The following COMMD1 variants were observed in gnomAD, a reference collection of about 807,000 sequenced individuals.
The protein encoded by COMMD1 is copper metabolism domain containing 1, also known as COMM domain-containing protein 1.
COMMD1 carries 10 observed loss-of-function variants against 17.2 expected under a neutral mutation model. That is an observed-to-expected ratio of 0.58 (90% confidence interval 0.36 to 0.99). The LOEUF (loss-of-function observed/expected upper bound fraction) is 0.99. COMMD1 is among the 50% of genes least tolerant of loss of function. COMMD1 has a pLI of 0.01. For missense variants in COMMD1, 270 were observed against 231.8 expected (o/e 1.17, Z -1.07); for synonymous variants, 97 against 91.6 (o/e 1.06, Z -0.34).
chr2:61,913,816 A>AAAAAAAAAAG lies in COMMD1; in HGVS notation c.180+7959_180+7960insAAAAAAAAGA, dbSNP rs756118056. ...ATCTCCAAAAAAAAAAAAAAAAAAA[A>AAAAAAAAAAG]AGAAAAGTGTGTTAACCTCTGTTCC... is the stretch of plus-strand genomic sequence containing the variant. On this transcript the variant is annotated intron_variant, in intron 1 of 2. Transcript: ENST00000311832. Among the ~76,000 whole-genome samples the AAAAAAAAAAG allele has an allele frequency of 1.8e-4, 18 of 100,196 alleles. 6 individuals are homozygous for AAAAAAAAAAG. The highest frequency in any genetic ancestry group is 5.6e-4 in the Admixed American group (4 of 7,090). 65.7% of individuals were successfully genotyped at this position (100,196 alleles called of 152,430 possible). A position where few individuals can be genotyped will look rare whatever the true frequency, so the allele number is the denominator to read the frequency against.
intron 2 of COMMD1, among the ~76,000 whole-genome samples, chr2:62,009,601 CAAA>C (rs548120221): frequency 1.2e-4 from 9 of 72,940 alleles, no homozygotes; most frequent in Admixed American, 3.0e-4. Context: ...GAGACTGTCT[CAAA>C]AAAAAAAAAA....
At chr2:62,007,468 T>TA (rs1468358875) in intron 2 of COMMD1, among the ~76,000 whole-genome samples, 1 of 152,240 alleles carries the variant, frequency 6.6e-6, no homozygotes, top group African/African-American at 2.4e-5. Context: ...ATAAACTAAA[T>TA]ACAATCATGC....
chr2:61,962,053 T>C (rs1158028092), intron 1 of COMMD1, among the ~76,000 whole-genome samples: 1 of 152,240 alleles, frequency 6.6e-6, no homozygotes, highest in Admixed American at 6.5e-5. Context: ...GCTTCTTTAC[T>C]GTTATTTATA....
chr2:61,941,293 G>A (rs972225953), intron 1 of COMMD1, among the ~76,000 whole-genome samples: 1 of 152,186 alleles, frequency 6.6e-6, no homozygotes, highest in African/African-American at 2.4e-5. Flanking sequence ...CTCCCAAAGT[G>A]CTGGGATTAC....
At chr2:62,125,240 G>A (rs1672855925) in intron 2 of COMMD1, among the ~76,000 whole-genome samples, 1 of 152,198 alleles carries the variant, frequency 6.6e-6, no homozygotes. Flanking sequence ...CACCTGGTAG[G>A]TGCTGAGGCA....
chr2:62,104,653 AAC>A lies in COMMD1; in HGVS notation c.463-31176_463-31175del, dbSNP rs1253357089. Among the ~76,000 whole-genome samples, 56 of 150,726 alleles carry A rather than the reference AAC, an allele frequency of 3.7e-4. 1 individual carries two copies. Among genetic ancestry groups the A allele is most frequent in the African/African-American group, 1.1e-3 (46 of 41,112 alleles). ...CGTCTCAAAAAAAAAAAAAAAAAAA[AAC>A]AATAACAACAACAAACACATCCCTT... On this transcript the variant is annotated intron_variant, in intron 2 of 2. Transcript: ENST00000311832.
At chr2:62,086,435 C>G (rs1671670926) in intron 2 of COMMD1, among the ~76,000 whole-genome samples, 1 of 151,258 alleles carries the variant, frequency 6.6e-6, no homozygotes, top group East Asian at 2.0e-4. Flanking sequence ...CGCGTGAACC[C>G]GGGAGGCGGA....
chr2:61,913,059 C>T (rs1669950024), intron 1 of COMMD1, among the ~76,000 whole-genome samples: 1 of 152,080 alleles, frequency 6.6e-6, no homozygotes, highest in African/African-American at 2.4e-5. Context: ...AGGGAGACTC[C>T]ATCTCTAAAA....
At chr2:61,904,019 A>AT (rs1265196849), upstream of COMMD1, among the ~76,000 whole-genome samples, 1 of 151,808 alleles carries the variant, frequency 6.6e-6, no homozygotes, top group African/African-American at 2.4e-5. Flanking sequence ...TTATTATTTT[A>AT]TTTTTTTGAG....
chr2:62,131,896 ATT>A (rs1198359263), intron 2 of COMMD1, among the ~76,000 whole-genome samples: 2 of 124,744 alleles, frequency 1.6e-5, no homozygotes, highest in Non-Finnish European at 1.7e-5. Flanking sequence ...ACACACACAC[ATT>A]TTTTTTTTTT....
chr2:62,039,517 A>G (rs911266508), intron 2 of COMMD1, among the ~76,000 whole-genome samples: 2 of 152,246 alleles, frequency 1.3e-5, no homozygotes, highest in Admixed American at 6.5e-5. Context: ...CTTGCACAGC[A>G]TATGCCTCTT....
At chr2:61,944,645 A>C (rs750152501) in intron 1 of COMMD1, among the ~76,000 whole-genome samples, 1 of 152,128 alleles carries the variant, frequency 6.6e-6, no homozygotes, top group Non-Finnish European at 1.5e-5. Flanking sequence ...CTCATGGTAC[A>C]AGGTAATTTC....
chr2:62,112,272 A>T (rs1285181179), intron 2 of COMMD1, among the ~76,000 whole-genome samples: 1 of 152,216 alleles, frequency 6.6e-6, no homozygotes, highest in Non-Finnish European at 1.5e-5. Flanking sequence ...ACAGGGAGAA[A>T]AAGACTCTTG....
At chr2:61,944,735 C>T (rs1301244201) in intron 1 of COMMD1, among the ~76,000 whole-genome samples, 4 of 152,128 alleles carry the variant, frequency 2.6e-5, no homozygotes, top group Non-Finnish European at 4.4e-5. Context: ...GCCCATCACT[C>T]GTGAAAACTC....
upstream of COMMD1, chr2:61,888,621 C>A: frequency 7.7e-7 from 1 of 1,294,818 alleles, no homozygotes; most frequent in Non-Finnish European, 1.0e-6. Context: ...TTCCAGAAAG[C>A]GGCGCCGGCG....
chr2:61,913,796 CAAAAAAAAA>C (rs1164297104), intron 1 of COMMD1, among the ~76,000 whole-genome samples: 10 of 14,504 alleles, frequency 6.9e-4, no homozygotes, highest in East Asian at 6.8e-3. Flanking sequence ...ACTCCATCTC[CAAAAAAAAA>C]AAAAAAAAAA....
chr2:62,004,261 A>G (rs114614955), intron 2 of COMMD1, among the ~76,000 whole-genome samples: 281 of 152,354 alleles, frequency 1.8e-3, no homozygotes, highest in Non-Finnish European at 1.7e-3. Flanking sequence ...AGAAATAGTC[A>G]CAATGAAAAT....
intron 2 of COMMD1, among the ~76,000 whole-genome samples, chr2:62,130,843 G>A (rs899133696): frequency 3.3e-4 from 50 of 151,836 alleles, no homozygotes; most frequent in African/African-American, 1.2e-3. Flanking sequence ...GTGTGTAGAT[G>A]GATAAAACCA....
intron 1 of COMMD1, among the ~76,000 whole-genome samples, chr2:61,937,266 T>TGAA (rs1346065010): frequency 6.6e-6 from 1 of 152,156 alleles, no homozygotes; most frequent in African/African-American, 2.4e-5. Flanking sequence ...CCTGAACCAG[T>TGAA]CTTTCTGGTT....
Sources: gnomAD v4.1 joint callset for allele counts (sites outside exome capture counted in the v4.1 genomes callset) on GRCh38, gnomAD v4.1.1 for gene constraint, MANE v1.5 for transcripts, NCBI Gene and HGNC (gene_info 2026-07-23, HGNC 2026-07-21) for gene names.